Variants in TSPAN5 observed in about 807,000 individuals in gnomAD.
The protein encoded by TSPAN5 is tetraspanin-5.
A neutral mutation model predicts 37.1 loss-of-function variants in TSPAN5; 10 were observed. That is an observed-to-expected ratio of 0.27 (90% confidence interval 0.17 to 0.46). The LOEUF is 0.46. Among genes scored for constraint, TSPAN5 ranks in the 20% least tolerant of loss-of-function variants. TSPAN5 has a pLI of 1.00. For synonymous variants in TSPAN5, 110 were observed against 118.9 expected (o/e 0.93, Z 0.48); for missense variants, 195 against 326.6 (o/e 0.60, Z 3.11).
chr4:98,516,396 T>C (rs1578960604), intron 1 of TSPAN5, among the ~76,000 whole-genome samples: 1 of 152,180 alleles, frequency 6.6e-6, no homozygotes, highest in South Asian at 2.1e-4. Context: ...ATATAGAAAG[T>C]AGAAAAGAGA....
intron 1 of TSPAN5, among the ~76,000 whole-genome samples, chr4:98,635,129 A>G (rs1172933087): frequency 6.6e-6 from 1 of 152,216 alleles, no homozygotes; most frequent in Admixed American, 6.5e-5. Flanking sequence ...GAAGGGAAAA[A>G]ATATTAGTTG....
chr4:98,555,445 G>A (rs920320081), intron 1 of TSPAN5, among the ~76,000 whole-genome samples: 31 of 152,184 alleles, frequency 2.0e-4, no homozygotes, highest in Middle Eastern at 3.4e-3. Context: ...GGCCACCTTT[G>A]CGAATTTATT....
At chr4:98,547,544 G>A (rs1336672846) in intron 1 of TSPAN5, among the ~76,000 whole-genome samples, 1 of 152,140 alleles carries the variant, frequency 6.6e-6, no homozygotes, top group Non-Finnish European at 1.5e-5. Flanking sequence ...CTTCTCCTAA[G>A]TGGCATCACT....
intron 1 of TSPAN5, among the ~76,000 whole-genome samples, chr4:98,547,074 A>G (rs917616002): frequency 1.3e-5 from 2 of 152,266 alleles, no homozygotes; most frequent in East Asian, 1.9e-4. Context: ...ATTGGCAAGC[A>G]TAACAGTAGC....
intron 1 of TSPAN5, among the ~76,000 whole-genome samples, chr4:98,579,955 CT>C (rs1163433315): frequency 6.6e-6 from 1 of 152,170 alleles, no homozygotes; most frequent in Admixed American, 6.5e-5. Context: ...AAATTATCCT[CT>C]AAAAGAATGA....
At chr4:98,591,091 A>G (rs62323636) in intron 1 of TSPAN5, among the ~76,000 whole-genome samples, 7 of 147,944 alleles carry the variant, frequency 4.7e-5, no homozygotes, top group African/African-American at 1.3e-4. Flanking sequence ...TTTTTTTTTA[A>G]TAAGTGAAAA....
chr4:98,502,004 C>T (rs1014273211), intron 2 of TSPAN5, among the ~76,000 whole-genome samples: 2 of 152,070 alleles, frequency 1.3e-5, no homozygotes, highest in East Asian at 1.9e-4. Context: ...TGGAAGAAAT[C>T]GGATTTTCAA....
At chr4:98,508,626 C>A (rs1175843454) in intron 1 of TSPAN5, among the ~76,000 whole-genome samples, 6 of 150,018 alleles carry the variant, frequency 4.0e-5, no homozygotes, top group Non-Finnish European at 8.9e-5. Context: ...CCAGGCTTAA[C>A]CGAGCCTCCT....
At chr4:98,534,831 T>C (rs973128756) in intron 1 of TSPAN5, among the ~76,000 whole-genome samples, 2 of 152,198 alleles carry the variant, frequency 1.3e-5, no homozygotes, top group African/African-American at 4.8e-5. Context: ...GAGGTTAGGA[T>C]TGCAACTCCT....
At chr4:98,498,599 G>A (rs1476630250) in intron 2 of TSPAN5, among the ~76,000 whole-genome samples, 1 of 152,106 alleles carries the variant, frequency 6.6e-6, no homozygotes. Context: ...AGGACTGAGA[G>A]GCAAGGTTTC....
At chr4:98,619,866 C>T (rs1344493521) in intron 1 of TSPAN5, among the ~76,000 whole-genome samples, 2 of 152,142 alleles carry the variant, frequency 1.3e-5, no homozygotes, top group Admixed American at 6.5e-5. Flanking sequence ...TGCGTCCTCA[C>T]GTGTTGGAAG....
At chr4:98,504,891 C>A (rs889131052) in intron 2 of TSPAN5, among the ~76,000 whole-genome samples, 1 of 152,130 alleles carries the variant, frequency 6.6e-6, no homozygotes, top group African/African-American at 2.4e-5. Context: ...CAACAAACAT[C>A]TACTTCTCAT....
At chr4:98,491,063 G>GAAAA (rs973643713) in intron 2 of TSPAN5, among the ~76,000 whole-genome samples, 10 of 144,166 alleles carry the variant, frequency 6.9e-5, no homozygotes, top group African/African-American at 2.5e-4. Flanking sequence ...CTCTGCCTCA[G>GAAAA]AAAAAAAAAA....
At chr4:98,647,649 G>C (rs116486609) in intron 1 of TSPAN5, among the ~76,000 whole-genome samples, 1,579 of 152,262 alleles carry the variant, frequency 0.01, 24 homozygotes, top group African/African-American at 0.036. Context: ...CCAATGAAGA[G>C]AGCCAAAATG....
intron 1 of TSPAN5, among the ~76,000 whole-genome samples, chr4:98,643,350 A>G (rs567936950): frequency 9.9e-5 from 15 of 152,172 alleles, no homozygotes; most frequent in Non-Finnish European, 1.5e-4. Flanking sequence ...TGTTTGCACA[A>G]TGATGAAATC....
intron 1 of TSPAN5, among the ~76,000 whole-genome samples, chr4:98,573,427 A>T (rs7669964): frequency 0.5 from 75,334 of 152,108 alleles, 19,313 homozygotes; most frequent in Non-Finnish European, 0.56. Context: ...TTTTGTACAG[A>T]TAGAGTCTAT....
At chr4:98,548,886 G>GGTGTGTGTGTGTGTGTGT (rs142527701) in intron 1 of TSPAN5, among the ~76,000 whole-genome samples, 2 of 57,342 alleles carry the variant, frequency 3.5e-5, no homozygotes, top group African/African-American at 9.2e-5. Context: ...AGTATTCCAA[G>GGTGTGTGTGTGTGTGTGT]GTGTGTGTGT....
At chr4:98,564,749 C>T (rs1754962710) in intron 1 of TSPAN5, among the ~76,000 whole-genome samples, 1 of 151,224 alleles carries the variant, frequency 6.6e-6, no homozygotes, top group Non-Finnish European at 1.5e-5. Flanking sequence ...GGCTGGAGTG[C>T]AGTGGCATGA....
At chr4:98,658,029 G>T in intron 1 of TSPAN5, 117 bp downstream of exon 1, 1 of 890,120 alleles carries the variant, frequency 1.1e-6, no homozygotes, top group Non-Finnish European at 1.9e-6. Context: ...ATGCCTCTAT[G>T]CTGCTCCGGC....
Sources: allele counts gnomAD v4.1 joint callset (sites outside exome capture counted in the v4.1 genomes callset), GRCh38; gene constraint gnomAD v4.1.1; transcripts MANE v1.5; gene names NCBI Gene and HGNC (gene_info 2026-07-23, HGNC 2026-07-21).